PCLO: variants seen among roughly 807,000 people sequenced by gnomAD.
PCLO encodes the protein protein piccolo.
PCLO carries 82 observed loss-of-function variants against 427.5 expected under a neutral mutation model. The observed-to-expected ratio is 0.19, with a 90% CI of 0.16 to 0.23. The LOEUF is 0.23. Among genes scored for constraint, PCLO ranks in the 10% least tolerant of loss-of-function variants. PCLO has a pLI of 1.00. For missense variants in PCLO, 6,239 were observed against 6,115.9 expected (o/e 1.02, Z -0.67); for synonymous variants, 2,357 against 2,155.4 (o/e 1.09, Z -2.59).
At chr7:82,899,774 G>T (rs1793996516) in intron 9 of PCLO, among the ~76,000 whole-genome samples, 1 of 151,460 alleles carries the variant, frequency 6.6e-6, no homozygotes, top group African/African-American at 2.4e-5. Context: ...TTTAAAACTT[G>T]TTTCTAGTTA....
chr7:82,882,933 G>T (rs1004071874), intron 9 of PCLO, among the ~76,000 whole-genome samples: 1 of 151,946 alleles, frequency 6.6e-6, no homozygotes, highest in Admixed American at 6.6e-5. Context: ...GTATCACAAA[G>T]AATGTTTTAT....
intron 16 of PCLO, among the ~76,000 whole-genome samples, chr7:82,835,174 G>A (rs1023443272): frequency 6.6e-6 from 1 of 152,018 alleles, no homozygotes; most frequent in Admixed American, 6.6e-5. Flanking sequence ...TCGATCTCCT[G>A]ACCTTGTGAT....
At chr7:82,892,303 C>T (rs1229531023) in intron 9 of PCLO, among the ~76,000 whole-genome samples, 1 of 151,862 alleles carries the variant, frequency 6.6e-6, no homozygotes, top group Non-Finnish European at 1.5e-5. Flanking sequence ...CTTTGACAAA[C>T]CTGACAAAAA....
chr7:82,972,430 T>C (rs955064695), intron 3 of PCLO, among the ~76,000 whole-genome samples: 1 of 152,036 alleles, frequency 6.6e-6, no homozygotes, highest in Non-Finnish European at 1.5e-5. Context: ...TTTATTTTTC[T>C]AAGGATCTTT....
At chr7:83,138,445 G>A (rs1264803817) in intron 2 of PCLO, among the ~76,000 whole-genome samples, 2 of 152,146 alleles carry the variant, frequency 1.3e-5, no homozygotes, top group Admixed American at 6.5e-5. Flanking sequence ...CAGATCTCCT[G>A]AGGTCAGGAG....
chr7:83,148,801 G>C (rs1432359505), intron 2 of PCLO, among the ~76,000 whole-genome samples: 3 of 152,094 alleles, frequency 2.0e-5, no homozygotes, highest in African/African-American at 7.2e-5. Context: ...AAAATGTCTA[G>C]TTAGGCTCTT....
intron 3 of PCLO, among the ~76,000 whole-genome samples, chr7:83,078,091 A>G (rs1167010454): frequency 6.6e-6 from 1 of 152,180 alleles, no homozygotes; most frequent in East Asian, 1.9e-4. Flanking sequence ...TGAGTCCCTC[A>G]GATACCTCCT....
rs548942871 is a variant in PCLO, at chr7:83,095,329, G to A, written c.3300+38921C>T. On this transcript the variant is annotated intron_variant, in intron 3 of 24. Coordinates refer to ENST00000333891, the MANE Select transcript of PCLO (RefSeq NM_033026.6). ...GTTTCATTACTGATAGTGGTAATTTGTATCTTTTCTTGTCTTGCTACAGAT... is the reference window on the plus strand; with the variant it reads ...GTTTCATTACTGATAGTGGTAATTTATATCTTTTCTTGTCTTGCTACAGAT... Among the ~76,000 whole-genome samples the A allele has an allele frequency of 1.5e-4, 23 of 151,722 alleles. No homozygotes were observed. The South Asian group carries it at 4.6e-3, about 30-fold the overall frequency.
chr7:83,060,479 T>G (rs1789516598), intron 3 of PCLO, among the ~76,000 whole-genome samples: 1 of 152,208 alleles, frequency 6.6e-6, no homozygotes, highest in East Asian at 1.9e-4. Context: ...GCTGTCCCTC[T>G]GCTTCCAGCT....
At chr7:83,139,762 T>C (rs1791818188) in intron 2 of PCLO, among the ~76,000 whole-genome samples, 2 of 152,322 alleles carry the variant, frequency 1.3e-5, no homozygotes, top group African/African-American at 4.8e-5. Flanking sequence ...TCCATCAACA[T>C]TCACCCTCAT....
At chr7:82,814,522 CTTAAATG>C (rs1357411564) in intron 20 of PCLO, among the ~76,000 whole-genome samples, 1 of 150,736 alleles carries the variant, frequency 6.6e-6, no homozygotes. Context: ...ATTTAATATA[CTTAAATG>C]TTTAAGCTGG....
At chr7:83,112,759 G>A (rs531972832) in intron 3 of PCLO, among the ~76,000 whole-genome samples, 27 of 152,240 alleles carry the variant, frequency 1.8e-4, no homozygotes, top group African/African-American at 6.3e-4. Context: ...GAGAGGAAAA[G>A]CTCATTAAAT....
In PCLO at chr7:82,937,734, T is replaced by C. The variant is rs548764452; in HGVS notation, c.11112+11742A>G. Among the ~76,000 whole-genome samples, 15 of 151,872 alleles carry C rather than the reference T, an allele frequency of 9.9e-5. No individual in the cohort carries two copies. In the South Asian group the frequency reaches 1.7e-3, roughly 17 times the overall value. ...GTCTCTCTGTTATTAAAGGAGAGAA[T>C]AGACTCAATTGCAAGCAATTAGCCA... On this transcript the variant is annotated intron_variant, in intron 6 of 24. Coordinates refer to ENST00000333891, the MANE Select transcript of PCLO (RefSeq NM_033026.6).
At chr7:83,007,040 G>T (rs1237070502) in intron 3 of PCLO, among the ~76,000 whole-genome samples, 2 of 151,476 alleles carry the variant, frequency 1.3e-5, no homozygotes, top group Non-Finnish European at 3.0e-5. Context: ...CAAGGACAGA[G>T]AATTTTTGTT....
chr7:82,919,177 G>A (rs770117282), intron 6 of PCLO, among the ~76,000 whole-genome samples: 12 of 151,960 alleles, frequency 7.9e-5, no homozygotes, highest in Non-Finnish European at 1.8e-4. Flanking sequence ...CATGGCACGT[G>A]TATACCTAAG....
intron 18 of PCLO, 94 bp downstream of exon 18, chr7:82,826,495 G>T: frequency 2.8e-6 from 2 of 716,580 alleles, no homozygotes; most frequent in Non-Finnish European, 4.6e-6. Flanking sequence ...TTCAGAAACG[G>T]CTATCTTATA....
At chr7:82,812,419 T>C (rs1236369660) in intron 20 of PCLO, among the ~76,000 whole-genome samples, 1 of 151,600 alleles carries the variant, frequency 6.6e-6, no homozygotes, top group Non-Finnish European at 1.5e-5. Flanking sequence ...TAATGTTGCC[T>C]TTTAAGTAGG....
intron 10 of PCLO, among the ~76,000 whole-genome samples, chr7:82,855,546 T>G (rs931164856): frequency 4.6e-5 from 7 of 152,148 alleles, no homozygotes; most frequent in African/African-American, 1.7e-4. Flanking sequence ...TTTGGAAATT[T>G]TATTAATTGC....
intron 16 of PCLO, 118 bp downstream of exon 16, chr7:82,835,549 T>C (rs1054415961): frequency 5.6e-6 from 4 of 713,362 alleles, no homozygotes; most frequent in African/African-American, 3.6e-5. Context: ...GATACAAACA[T>C]GTAGAAAAAT....
Sources: allele counts gnomAD v4.1 joint callset (sites outside exome capture counted in the v4.1 genomes callset), GRCh38; gene constraint gnomAD v4.1.1; transcripts MANE v1.5; gene names NCBI Gene and HGNC (gene_info 2026-07-23, HGNC 2026-07-21).